The following CRB1 variants were observed in gnomAD, a reference collection of about 807,000 sequenced individuals.
CRB1 encodes crumbs cell polarity complex component 1.
In CRB1, 83 loss-of-function variants were observed where a neutral mutation model predicts 120.0. The ratio of observed to expected loss-of-function variants is 0.69; its 90% CI spans 0.58 to 0.83. The LOEUF is 0.83. CRB1 is among the 40% of genes least tolerant of loss of function. CRB1 has a pLI of 0.00. For missense variants in CRB1, 1,699 were observed against 1,687.6 expected, an observed-to-expected ratio of 1.01 and a Z score of -0.12; for synonymous variants, 625 against 612.5, an observed-to-expected ratio of 1.02 and a Z score of -0.30.
chr1:197,287,641 G>C (rs1358814847), intron 1 of CRB1, among the ~76,000 whole-genome samples: 1 of 151,732 alleles, frequency 6.6e-6, no homozygotes, highest in Non-Finnish European at 1.5e-5. Flanking sequence ...CAGTAACAAA[G>C]CAAAATTTCC....
chr1:197,233,139 A>G, the CRB1 span, among the ~76,000 whole-genome samples: 1 of 152,132 alleles, frequency 6.6e-6, no homozygotes, highest in Non-Finnish European at 1.5e-5. Context: ...CAAGATAGTA[A>G]ATCAAAAAAC....
intron 11 of CRB1, chr1:197,444,507 A>G (rs1391093704): frequency 6.6e-6 from 1 of 152,224 alleles, no homozygotes; most frequent in Non-Finnish European, 1.5e-5. Flanking sequence ...CCATATGTAT[A>G]GTTTTCACAT....
intron 1 of CRB1, among the ~76,000 whole-genome samples, chr1:197,321,813 A>G (rs1425140051): frequency 6.6e-6 from 1 of 152,186 alleles, no homozygotes; most frequent in Non-Finnish European, 1.5e-5. Context: ...TAAAAATATG[A>G]GGAGGATTAA....
In CRB1 at chr1:197,353,815, A is replaced by T. The variant is rs1431221940; in HGVS notation, c.989-3016A>T. On this transcript the variant is annotated intron_variant, in intron 4 of 11. Transcript: ENST00000367400. The stretch of plus-strand genomic sequence containing the variant: ...GACTCCGTCTCAAAAATATATAAAT[A>T]AAAAAAAAAAAAAAAAAAAAAACTT... Among the ~76,000 whole-genome samples, 16 of 53,612 alleles carry T rather than the reference A, an allele frequency of 3.0e-4. No individual in the cohort carries two copies. The East Asian group carries it at 8.2e-3, about 28-fold the overall frequency. 35.2% of individuals were successfully genotyped at this position (53,612 alleles called of 152,430 possible). A position where few individuals can be genotyped will look rare whatever the true frequency, so the allele number is the denominator to read the frequency against.
chr1:197,357,006 A>T lies in CRB1; in HGVS notation c.1164A>T (p.Gly388=). 1 of 1,614,196 alleles carries T rather than the reference A, an allele frequency of 6.2e-7. No individual in the cohort carries two copies. The highest frequency in any genetic ancestry group is 1.3e-5 in the African/African-American group (1 of 75,064). ...ASGYVCICQP[G]FTGIHCEEDV... is the part of the protein sequence containing the mutation. ...GTTATGTCTGTATCTGTCAGCCTGGATTCACAGGTGAGGCCAAGGAGATGG... is the reference window on the plus strand; with the variant it reads ...GTTATGTCTGTATCTGTCAGCCTGGTTTCACAGGTGAGGCCAAGGAGATGG... The change falls in exon 5 of 12, where the codon GGA becomes GGT. Residue 388 remains glycine, a synonymous_variant. Coordinates refer to ENST00000367400, the MANE Select transcript of CRB1 (RefSeq NM_201253.3).
chr1:197,255,955 A>G, the CRB1 span, among the ~76,000 whole-genome samples: 3 of 123,556 alleles, frequency 2.4e-5, no homozygotes, highest in East Asian at 2.5e-4. Context: ...CTATAATAAT[A>G]TAGAACATTT....
At chr1:197,225,931 G>A in the CRB1 span, among the ~76,000 whole-genome samples, 26,043 of 151,410 alleles carry the variant, frequency 0.17, 2,426 homozygotes, top group Middle Eastern at 0.25. Flanking sequence ...GACGGTAATC[G>A]CACTCTGTCA....
intron 4 of CRB1, among the ~76,000 whole-genome samples, chr1:197,350,062 T>G (rs1361776094): frequency 6.8e-6 from 1 of 147,750 alleles, no homozygotes; most frequent in Non-Finnish European, 1.5e-5. Context: ...ATTGCGCCAC[T>G]GCAGTCCGCA....
chr1:197,336,091 G>C (rs1009821647), intron 2 of CRB1, among the ~76,000 whole-genome samples: 2 of 152,168 alleles, frequency 1.3e-5, no homozygotes, highest in African/African-American at 4.8e-5. Flanking sequence ...TTACATGATG[G>C]TTACTCATTT....
the CRB1 span, among the ~76,000 whole-genome samples, chr1:197,251,265 TAAAGC>T: frequency 6.6e-6 from 1 of 152,046 alleles, no homozygotes; most frequent in Non-Finnish European, 1.5e-5. Flanking sequence ...ATAAAATACT[TAAAGC>T]AATGCTGAGC....
intron 1 of CRB1, among the ~76,000 whole-genome samples, chr1:197,283,007 A>G (rs943156943): frequency 6.6e-6 from 1 of 151,914 alleles, no homozygotes; most frequent in African/African-American, 2.4e-5. Context: ...TGTATGGAAG[A>G]TGAGCAATCA....
intron 1 of CRB1, among the ~76,000 whole-genome samples, chr1:197,271,924 A>G (rs1246184908): frequency 6.6e-6 from 1 of 151,934 alleles, no homozygotes; most frequent in Admixed American, 6.6e-5. Flanking sequence ...CACAACATGT[A>G]AAAAAAATGT....
chr1:197,299,712 A>G (rs1266288934), intron 1 of CRB1, among the ~76,000 whole-genome samples: 1 of 152,156 alleles, frequency 6.6e-6, no homozygotes, highest in Non-Finnish European at 1.5e-5. Context: ...AACTACATGC[A>G]TAAATTGTTA....
At chr1:197,431,809 C>T (rs751917681) in intron 8 of CRB1, among the ~76,000 whole-genome samples, 19 of 152,074 alleles carry the variant, frequency 1.2e-4, no homozygotes, top group East Asian at 5.8e-4. Flanking sequence ...AGAGAGAAAA[C>T]GTAAATAAAT....
At chr1:197,337,101 G>A (rs1295367078) in intron 2 of CRB1, among the ~76,000 whole-genome samples, 2 of 152,170 alleles carry the variant, frequency 1.3e-5, no homozygotes, top group African/African-American at 4.8e-5. Context: ...AGGCTTTTGG[G>A]AGGTAATTTG....
intron 1 of CRB1, among the ~76,000 whole-genome samples, chr1:197,271,812 TC>T (rs3838392): frequency 0.16 from 24,591 of 152,096 alleles, 2,232 homozygotes; most frequent in Middle Eastern, 0.24. Flanking sequence ...TGTCTATCTC[TC>T]TAGTCCTTTA....
chr1:197,344,538 A>G (rs1356404750), intron 3 of CRB1, 62 bp downstream of exon 3: 1 of 1,499,962 alleles, frequency 6.7e-7, no homozygotes, highest in Non-Finnish European at 9.3e-7. Flanking sequence ...CTATTTTACC[A>G]CTCTGTTGAA....
At chr1:197,391,651 G>A (rs981401602) in intron 5 of CRB1, among the ~76,000 whole-genome samples, 13 of 151,966 alleles carry the variant, frequency 8.6e-5, no homozygotes, top group African/African-American at 3.1e-4. Flanking sequence ...TAATAAATTC[G>A]ACTCTTGGGT....
chr1:197,431,545 T>C (rs1440738380), intron 8 of CRB1, among the ~76,000 whole-genome samples: 1 of 152,178 alleles, frequency 6.6e-6, no homozygotes, highest in Non-Finnish European at 1.5e-5. Context: ...CTACCTGGTG[T>C]CCGAATTGTT....
Sources: allele counts gnomAD v4.1 joint callset (sites outside exome capture counted in the v4.1 genomes callset), GRCh38; gene constraint gnomAD v4.1.1; transcripts MANE v1.5; gene names NCBI Gene and HGNC (gene_info 2026-07-23, HGNC 2026-07-21).